AMMECR1: variants seen among roughly 807,000 people sequenced by gnomAD.
The protein encoded by AMMECR1 is nuclear protein AMMECR1.
In AMMECR1, 3 loss-of-function variants were observed where a neutral mutation model predicts 22.5. The observed-to-expected ratio is 0.13, with a 90% CI of 0.06 to 0.35. AMMECR1 has a LOEUF of 0.35. Ranked by LOEUF, AMMECR1 falls within the 10% of genes least tolerant of loss-of-function variation. AMMECR1 has a pLI of 1.00. For synonymous variants in AMMECR1, 130 were observed against 116.7 expected, an observed-to-expected ratio of 1.11 and a Z score of -0.74; for missense variants, 235 against 278.7, an observed-to-expected ratio of 0.84 and a Z score of 1.12.
chrX:110,279,374 A>G (rs1370638635), intron 1 of AMMECR1, among the ~76,000 whole-genome samples: 2 of 112,701 alleles, frequency 1.8e-5, no homozygotes, highest in Non-Finnish European at 3.8e-5. Context: ...CTATAGGAAC[A>G]CATTTGTGAT....
intron 2 of AMMECR1, among the ~76,000 whole-genome samples, chrX:110,349,425 A>G (rs944512986): frequency 2.7e-5 from 3 of 111,648 alleles, no homozygotes; most frequent in African/African-American, 9.8e-5. Flanking sequence ...TCCTAACCCC[A>G]GTTGCCCTCT....
chrX:110,386,134 T>G (rs1345108550), intron 2 of AMMECR1, among the ~76,000 whole-genome samples: 1 of 110,736 alleles, frequency 9.0e-6, no homozygotes, highest in Admixed American at 9.6e-5. Context: ...TTAAATCTCT[T>G]GGGTATATAT....
intron 1 of AMMECR1, among the ~76,000 whole-genome samples, chrX:110,285,820 C>T (rs771067016): frequency 9.0e-5 from 10 of 110,969 alleles, no homozygotes; most frequent in Non-Finnish European, 1.5e-4. Flanking sequence ...CCCAAGAGCA[C>T]CCTGGGAAAA....
chrX:110,280,654 C>T (rs1409584046), intron 1 of AMMECR1, among the ~76,000 whole-genome samples: 1 of 111,557 alleles, frequency 9.0e-6, no homozygotes, highest in Non-Finnish European at 1.9e-5. Context: ...ATATCATACA[C>T]AATCTCACTA....
chrX:110,340,678 A>G (rs1219346819), intron 2 of AMMECR1, among the ~76,000 whole-genome samples: 1 of 112,435 alleles, frequency 8.9e-6, no homozygotes, highest in Non-Finnish European at 1.9e-5. Flanking sequence ...AAAAGGTTGT[A>G]TGGAAAAGCA....
chrX:110,304,818 C>A (rs995085529), intron 1 of AMMECR1, among the ~76,000 whole-genome samples: 1 of 112,116 alleles, frequency 8.9e-6, no homozygotes, highest in Non-Finnish European at 1.9e-5. Context: ...GGTTCTCCCC[C>A]ACTTCAACCT....
intron 2 of AMMECR1, among the ~76,000 whole-genome samples, chrX:110,330,890 C>T (rs1468954966): frequency 9.0e-6 from 1 of 111,564 alleles, no homozygotes; most frequent in Non-Finnish European, 1.9e-5. Flanking sequence ...CTCTCATATA[C>T]TGTTTCCACC....
At chrX:110,354,273 C>G (rs1175447681) in intron 2 of AMMECR1, among the ~76,000 whole-genome samples, 2 of 111,991 alleles carry the variant, frequency 1.8e-5, no homozygotes, top group African/African-American at 6.5e-5. Flanking sequence ...AGCGAGCCCT[C>G]TGTATCCATG....
intron 3 of AMMECR1, 136 bp from the exon 4 acceptor site, chrX:110,202,672 C>A: frequency 4.6e-6 from 2 of 435,359 alleles, no homozygotes; most frequent in South Asian, 4.6e-5. Flanking sequence ...TTTCTCTTTC[C>A]AAAGCTTTGA....
intron 2 of AMMECR1, among the ~76,000 whole-genome samples, chrX:110,226,294 C>T (rs886812915): frequency 2.5e-4 from 28 of 112,221 alleles, no homozygotes; most frequent in Non-Finnish European, 2.4e-4. Context: ...AAGTAACTTG[C>T]CAATGGTTCT....
rs188346594 is a variant in AMMECR1 at position 110,405,132 on chromosome X, T to C, written c.-148+21526A>G. On this transcript the variant is annotated intron_variant, in intron 2 of 7. Coordinates refer to the AMMECR1 transcript ENST00000372057. ...TGAGTCAGAGCCTTTCATGGGGTTT[T>C]GTGTAAATGTATTTTCTAAGAGGTG... 4.2e-3 allele frequency among the ~76,000 whole-genome samples: 422 copies of C among 100,835 alleles called. 4 individuals are homozygous for C. Among genetic ancestry groups the C allele is most frequent in the Non-Finnish European group, 6.6e-3 (329 of 49,826 alleles). 87.6% of individuals were successfully genotyped at this position (100,835 alleles called of 115,157 possible). A position where few individuals can be genotyped will look rare whatever the true frequency, so the allele number is the denominator to read the frequency against.
chrX:110,285,916 C>T (rs762926864), intron 1 of AMMECR1, among the ~76,000 whole-genome samples: 2 of 111,358 alleles, frequency 1.8e-5, no homozygotes, highest in Non-Finnish European at 3.8e-5. Flanking sequence ...TAAGGATACA[C>T]AATTTGCTGG....
chrX:110,387,903 C>T (rs2068468073), intron 2 of AMMECR1, among the ~76,000 whole-genome samples: 1 of 101,358 alleles, frequency 9.9e-6, no homozygotes, highest in Non-Finnish European at 2.0e-5. Context: ...ACTCTGTCGC[C>T]CAGGCTGGAG....
At chrX:110,396,520 T>C (rs896800066) in intron 2 of AMMECR1, among the ~76,000 whole-genome samples, 4 of 112,280 alleles carry the variant, frequency 3.6e-5, no homozygotes, top group Non-Finnish European at 1.9e-5. Flanking sequence ...TCTACTTTCT[T>C]TCCCAGTCCC....
chrX:110,226,299 G>C (rs1250709186), intron 2 of AMMECR1, among the ~76,000 whole-genome samples: 1 of 112,293 alleles, frequency 8.9e-6, no homozygotes, highest in Non-Finnish European at 1.9e-5. Context: ...ACTTGCCAAT[G>C]GTTCTAAAAA....
chrX:110,413,857 G>A (rs1489248435), intron 2 of AMMECR1, among the ~76,000 whole-genome samples: 1 of 111,235 alleles, frequency 9.0e-6, no homozygotes, highest in East Asian at 2.8e-4. Context: ...CAACTAATAT[G>A]TATGTGCCAG....
chrX:110,426,224 G>GAGAATA (rs1414031930), intron 2 of AMMECR1, among the ~76,000 whole-genome samples: 1 of 112,483 alleles, frequency 8.9e-6, no homozygotes, highest in Non-Finnish European at 1.9e-5. Context: ...GATTCAGCCA[G>GAGAATA]AGAATAGTTA....
chrX:110,200,721 A>C (rs2067392928), intron 5 of AMMECR1, among the ~76,000 whole-genome samples: 1 of 112,131 alleles, frequency 8.9e-6, no homozygotes, highest in Admixed American at 9.4e-5. Flanking sequence ...GCTCGTACAA[A>C]AGCCAGAGTA....
At position 110,416,345 on chromosome X, in the gene AMMECR1, G is replaced by A. The variant is rs142131873; in HGVS notation, c.-148+10313C>T. ...TGTATTTATTTTGATTTAACGAACCGTTGTTTAATGTTTACCATGTCCCGG... is the reference window on the plus strand; with the variant it reads ...TGTATTTATTTTGATTTAACGAACCATTGTTTAATGTTTACCATGTCCCGG... On this transcript the variant is annotated intron_variant, in intron 2 of 7. Coordinates refer to the AMMECR1 transcript ENST00000372057. Among the ~76,000 whole-genome samples, 167 of 112,180 alleles carry A rather than the reference G, an allele frequency of 1.5e-3. 3 individuals carry two copies. The highest frequency in any genetic ancestry group is 5.0e-3 in the African/African-American group (155 of 30,852).
Sources: gnomAD v4.1 joint callset for allele counts (sites outside exome capture counted in the v4.1 genomes callset) on GRCh38, gnomAD v4.1.1 for gene constraint, MANE v1.5 for transcripts, NCBI Gene and HGNC (gene_info 2026-07-23, HGNC 2026-07-21) for gene names.